FBXL17: variants seen among roughly 807,000 people sequenced by gnomAD.
FBXL17 encodes the protein F-box/LRR-repeat protein 17.
FBXL17 carries 22 observed loss-of-function variants against 66.2 expected under a neutral mutation model. The ratio of observed to expected loss-of-function variants is 0.33; its 90% CI spans 0.24 to 0.47. The LOEUF (loss-of-function observed/expected upper bound fraction) is 0.47. FBXL17 is among the 20% of genes least tolerant of loss of function. The probability of loss-of-function intolerance (pLI) is 1.00; values close to 1 mark genes in which losing one functional copy is unlikely to be tolerated. For synonymous variants in FBXL17, 474 were observed against 400.5 expected (o/e 1.18, Z -2.19); for missense variants, 878 against 948.2 (o/e 0.93, Z 0.97).
At chr5:107,965,818 G>A (rs1752107305) in intron 7 of FBXL17, among the ~76,000 whole-genome samples, 1 of 152,022 alleles carries the variant, frequency 6.6e-6, no homozygotes. Context: ...AATTACTGGA[G>A]GGAAAAATAT....
chr5:107,963,626 T>C (rs902321043), intron 7 of FBXL17, among the ~76,000 whole-genome samples: 1 of 152,268 alleles, frequency 6.6e-6, no homozygotes. Context: ...TTTAGGGTTA[T>C]TGTAAGAGTT....
chr5:108,252,882 A>G (rs1756417031), intron 4 of FBXL17, among the ~76,000 whole-genome samples: 1 of 152,284 alleles, frequency 6.6e-6, no homozygotes, highest in South Asian at 2.1e-4. Context: ...TATGCACAGC[A>G]TATCTGGACC....
intron 7 of FBXL17, among the ~76,000 whole-genome samples, chr5:108,012,982 C>A (rs1754236738): frequency 7.5e-6 from 1 of 133,634 alleles, no homozygotes; most frequent in African/African-American, 2.9e-5. Context: ...CCATTGCATT[C>A]CAGTCTGGGT....
At chr5:108,079,910 G>C (rs1748699358) in intron 6 of FBXL17, among the ~76,000 whole-genome samples, 1 of 152,192 alleles carries the variant, frequency 6.6e-6, no homozygotes, top group South Asian at 2.1e-4. Context: ...TTCAAAAATG[G>C]AATGTTGTTT....
At chr5:107,923,433 C>T (rs1750390181) in intron 7 of FBXL17, among the ~76,000 whole-genome samples, 2 of 152,086 alleles carry the variant, frequency 1.3e-5, no homozygotes, top group South Asian at 4.2e-4. Context: ...CTTTGAGCCT[C>T]CTAGGTCTTG....
chr5:108,236,777 C>T (rs1755622935), intron 4 of FBXL17, among the ~76,000 whole-genome samples: 1 of 152,158 alleles, frequency 6.6e-6, no homozygotes. Context: ...ATTTTTTCAT[C>T]TCTTGCAGGC....
intron 6 of FBXL17, among the ~76,000 whole-genome samples, chr5:108,083,218 A>AACAC (rs756726228): frequency 0.011 from 1,587 of 144,576 alleles, 19 homozygotes; most frequent in East Asian, 0.063. Flanking sequence ...CTCACCTCAG[A>AACAC]ACACACACAC....
At chr5:108,229,098 T>C (rs1474203271) in intron 4 of FBXL17, among the ~76,000 whole-genome samples, 2 of 152,180 alleles carry the variant, frequency 1.3e-5, no homozygotes, top group South Asian at 2.1e-4. Flanking sequence ...TTTAGCAGTA[T>C]GGTCATTTTC....
intron 6 of FBXL17, among the ~76,000 whole-genome samples, chr5:108,110,898 A>G (rs978937901): frequency 2.0e-5 from 3 of 152,144 alleles, no homozygotes; most frequent in Non-Finnish European, 1.5e-5. Context: ...TGGTTAAACT[A>G]AAATATCATA....
At chr5:108,054,871 T>C (rs1293339957) in intron 6 of FBXL17, among the ~76,000 whole-genome samples, 1 of 152,136 alleles carries the variant, frequency 6.6e-6, no homozygotes, top group African/African-American at 2.4e-5. Context: ...GTTCCCTAGT[T>C]AGTCTGCCTC....
chr5:108,217,519 T>C (rs115460980), intron 5 of FBXL17, among the ~76,000 whole-genome samples: 163 of 152,214 alleles, frequency 1.1e-3, no homozygotes, highest in African/African-American at 3.8e-3. Flanking sequence ...TTCATTAATT[T>C]CCTCTCTTCT....
intron 6 of FBXL17, among the ~76,000 whole-genome samples, chr5:108,177,932 T>TATATATATATATACACAC (rs1242739302): frequency 4.7e-5 from 6 of 126,868 alleles, no homozygotes; most frequent in Admixed American, 2.6e-4. Context: ...TATATATATA[T>TATATATATATATACACAC]ACACACACAC....
At chr5:108,223,247 G>A (rs191863461) in intron 5 of FBXL17, among the ~76,000 whole-genome samples, 3 of 152,138 alleles carry the variant, frequency 2.0e-5, no homozygotes, top group Admixed American at 6.5e-5. Flanking sequence ...TAAACTGTAA[G>A]CTCAAAGAGA....
intron 6 of FBXL17, among the ~76,000 whole-genome samples, chr5:108,032,708 T>C (rs72798130): frequency 0.052 from 7,878 of 152,240 alleles, 305 homozygotes; most frequent in Middle Eastern, 0.14. Context: ...CACCCTGATA[T>C]TGGCCAGGGA....
intron 5 of FBXL17, among the ~76,000 whole-genome samples, chr5:108,200,591 T>C (rs182556580): frequency 7.4e-4 from 113 of 151,998 alleles, no homozygotes; most frequent in African/African-American, 2.6e-3. Flanking sequence ...TCAAGATTGA[T>C]AGTCAATTGC....
At chr5:107,930,363 G>C (rs1038855663) in intron 7 of FBXL17, among the ~76,000 whole-genome samples, 1 of 152,094 alleles carries the variant, frequency 6.6e-6, no homozygotes, top group Non-Finnish European at 1.5e-5. Context: ...AGCTGTTCTT[G>C]TGGCCAACTC....
At chr5:107,897,892 G>T (rs921236200) in intron 7 of FBXL17, among the ~76,000 whole-genome samples, 13 of 151,004 alleles carry the variant, frequency 8.6e-5, no homozygotes, top group Non-Finnish European at 1.6e-4. Context: ...TCAGGAATGA[G>T]ATTGTGGATA....
chr5:108,010,768 TA>T (rs200408191), intron 7 of FBXL17, among the ~76,000 whole-genome samples: 11 of 151,134 alleles, frequency 7.3e-5, no homozygotes, highest in Admixed American at 2.6e-4. Flanking sequence ...TGAGCATCAA[TA>T]AAAAAAAATT....
Position 107,860,451 on chromosome 5 carries a change from G to C in FBXL17, c.*1269C>G, listed in dbSNP as rs1004658077. ...GTCCCTATTATGAATTAATTGTAAAGATGTGTTAAATCAAAACATATATTC... is the reference window on the plus strand; with the variant it reads ...GTCCCTATTATGAATTAATTGTAAACATGTGTTAAATCAAAACATATATTC... On this transcript the variant is annotated 3_prime_UTR_variant, in exon 9 of 9. Coordinates refer to ENST00000542267, the MANE Select transcript of FBXL17 (RefSeq NM_001163315.3). 2.6e-5 allele frequency: 4 copies of C among 152,626 alleles called. No individual in the cohort carries two copies. Among genetic ancestry groups the C allele is most frequent in the Non-Finnish European group, 5.9e-5 (4 of 68,038 alleles). The allele number at this position is 152,626 out of a possible 1,614,324, so 9.5% of individuals were successfully genotyped here.
Sources: allele counts gnomAD v4.1 joint callset (sites outside exome capture counted in the v4.1 genomes callset), GRCh38; gene constraint gnomAD v4.1.1; transcripts MANE v1.5; gene names NCBI Gene and HGNC (gene_info 2026-07-23, HGNC 2026-07-21).